Variants in PRKCB observed in about 807,000 individuals in gnomAD.
The protein encoded by PRKCB is protein kinase C beta type.
In PRKCB, 13 loss-of-function variants were observed where a neutral mutation model predicts 81.5. That is an observed-to-expected ratio of 0.16 (90% CI 0.10 to 0.25). PRKCB has a LOEUF of 0.25. Among genes scored for constraint, PRKCB ranks in the 10% least tolerant of loss-of-function variants. The pLI is 1.00. For synonymous variants in PRKCB, 335 were observed against 321.4 expected, an observed-to-expected ratio of 1.04 and a Z score of -0.45; for missense variants, 509 against 875.7, an observed-to-expected ratio of 0.58 and a Z score of 5.29.
At chr16:24,168,717 T>C (rs1382852028) in intron 10 of PRKCB, among the ~76,000 whole-genome samples, 1 of 83,418 alleles carries the variant, frequency 1.2e-5, no homozygotes, top group East Asian at 3.2e-4. Flanking sequence ...TGCCTGGCTA[T>C]TTTTTTTTTT....
In PRKCB at chr16:24,010,257, AT is replaced by A. The variant is rs563110020; in HGVS notation, c.288+21669del. On this transcript the variant is annotated intron_variant, in intron 3 of 16. Transcript: ENST00000643927. ...CAGCGGCACTCAGCTCCGTTTCCTA[AT>A]TCCTGCTGTTTAAAGGATGAAGGTC... Among the ~76,000 whole-genome samples the A allele has an allele frequency of 5.9e-5, 9 of 152,304 alleles. No individual in the cohort carries two copies. The South Asian group carries it at 1.9e-3, about 32-fold the overall frequency.
chr16:24,191,003 C>A, intron 15 of PRKCB, 87 bp from the exon 16 acceptor site: 1 of 1,439,254 alleles, frequency 6.9e-7, no homozygotes, highest in Non-Finnish European at 9.5e-7. Context: ...CGCTTTCTTT[C>A]CTAATGCATT....
At chr16:23,912,507 CT>C (rs1210105406) in intron 2 of PRKCB, among the ~76,000 whole-genome samples, 117 of 72,074 alleles carry the variant, frequency 1.6e-3, no homozygotes, top group African/African-American at 2.0e-3. Flanking sequence ...TTTCTTTCTT[CT>C]TTTTTTTTTT....
At chr16:24,192,636 C>G (rs1220851237) in intron 16 of PRKCB, among the ~76,000 whole-genome samples, 1 of 152,144 alleles carries the variant, frequency 6.6e-6, no homozygotes, top group Non-Finnish European at 1.5e-5. Context: ...TAGAACCCAG[C>G]GGACATCTGG....
chr16:23,891,032 A>AATG (rs1963286509), intron 2 of PRKCB, among the ~76,000 whole-genome samples: 1 of 145,018 alleles, frequency 6.9e-6, no homozygotes, highest in Non-Finnish European at 1.5e-5. Context: ...TATATATATA[A>AATG]TGTGTGTGTA....
At chr16:24,185,832 G>C (rs1287032974) in intron 15 of PRKCB, among the ~76,000 whole-genome samples, 1 of 152,230 alleles carries the variant, frequency 6.6e-6, no homozygotes, top group East Asian at 1.9e-4. Flanking sequence ...CAGCACAGGG[G>C]AATGCTTATT....
intron 13 of PRKCB, 141 bp downstream of exon 13, chr16:24,181,069 C>G: frequency 9.2e-7 from 1 of 1,083,950 alleles, no homozygotes; most frequent in South Asian, 2.0e-5. Flanking sequence ...TCTAAATCCT[C>G]CCTTTGAGAT....
chr16:24,101,184 AG>A (rs1175717511), intron 7 of PRKCB, among the ~76,000 whole-genome samples: 1 of 152,192 alleles, frequency 6.6e-6, no homozygotes, highest in Non-Finnish European at 1.5e-5. Context: ...AGTTTTACAA[AG>A]GCAGTTTTAG....
intron 2 of PRKCB, among the ~76,000 whole-genome samples, chr16:23,886,447 C>T (rs1238331127): frequency 8.6e-6 from 1 of 115,826 alleles, no homozygotes; most frequent in African/African-American, 3.6e-5. Flanking sequence ...AAGTCTCACT[C>T]TGTCGCCCAG....
At chr16:24,066,639 C>G (rs564669709) in intron 5 of PRKCB, among the ~76,000 whole-genome samples, 1 of 150,882 alleles carries the variant, frequency 6.6e-6, no homozygotes. Context: ...TTTTTTTTCA[C>G]GATATTCTTA....
rs1034619925 is a variant in PRKCB at position 24,215,243 on chromosome 16, G to A, written c.*427G>A. The A allele has an allele frequency of 2.0e-6, 2 of 995,688 alleles. No homozygotes were observed. Among genetic ancestry groups the A allele is most frequent in the African/African-American group, 3.5e-5 (2 of 57,494 alleles). 61.7% of individuals were successfully genotyped at this position (995,688 alleles called of 1,614,324 possible). ...TTGGCTTGTATCCAAGTGTATGGTTGCTTTGCCTAAGAGGAATCCCTCTAT... is the reference window on the plus strand; with the variant it reads ...TTGGCTTGTATCCAAGTGTATGGTTACTTTGCCTAAGAGGAATCCCTCTAT... On this transcript the variant is annotated 3_prime_UTR_variant, in exon 17 of 17. Transcript: ENST00000643927.
At chr16:23,865,073 C>T (rs1962748056) in intron 2 of PRKCB, among the ~76,000 whole-genome samples, 1 of 152,056 alleles carries the variant, frequency 6.6e-6, no homozygotes, top group African/African-American at 2.4e-5. Flanking sequence ...TCCAAATAAG[C>T]ACAATCAGAA....
chr16:24,143,410 G>T (rs1966934927), intron 9 of PRKCB, among the ~76,000 whole-genome samples: 1 of 152,072 alleles, frequency 6.6e-6, no homozygotes, highest in African/African-American at 2.4e-5. Context: ...GGGACTACAG[G>T]CATGAGTCAC....
chr16:24,056,444 G>C (rs1965903430), intron 5 of PRKCB, among the ~76,000 whole-genome samples: 2 of 152,236 alleles, frequency 1.3e-5, no homozygotes, highest in Admixed American at 1.3e-4. Flanking sequence ...CAGGCATGGG[G>C]TCTAAAAGTG....
At chr16:24,188,175 A>C (rs1355596777) in intron 15 of PRKCB, among the ~76,000 whole-genome samples, 1 of 152,170 alleles carries the variant, frequency 6.6e-6, no homozygotes, top group Non-Finnish European at 1.5e-5. Context: ...CATAACCTTC[A>C]TGATTAACTG....
chr16:24,061,272 G>GCTGATCTCAAA (rs1434339101), intron 5 of PRKCB, among the ~76,000 whole-genome samples: 1 of 152,138 alleles, frequency 6.6e-6, no homozygotes, highest in Non-Finnish European at 1.5e-5. Context: ...TGTTGGCCAG[G>GCTGATCTCAAA]CTGATCTCAA....
chr16:23,925,384 T>A (rs1279982073), intron 2 of PRKCB, among the ~76,000 whole-genome samples: 3 of 152,048 alleles, frequency 2.0e-5, no homozygotes, highest in Non-Finnish European at 4.4e-5. Flanking sequence ...TCATTGGGTA[T>A]CTGTGGCCAT....
chr16:24,175,971 CAAAAAA>C (rs34578906), intron 12 of PRKCB, among the ~76,000 whole-genome samples: 1 of 49,852 alleles, frequency 2.0e-5, no homozygotes, highest in East Asian at 6.1e-4. Flanking sequence ...GACCCTGTCT[CAAAAAA>C]AAAAAAAAAA....
intron 7 of PRKCB, among the ~76,000 whole-genome samples, chr16:24,110,120 AGAGGGAGAGGGAGAGGGAGAG>A (rs1268162288): frequency 2.3e-5 from 2 of 86,070 alleles, no homozygotes; most frequent in South Asian, 7.7e-4. Flanking sequence ...GGGGAGAGGG[AGAGGGAGAGGGAGAGGGAGAG>A]GAGGGAGAGG....
Sources: gnomAD v4.1 joint callset for allele counts (sites outside exome capture counted in the v4.1 genomes callset) on GRCh38, gnomAD v4.1.1 for gene constraint, MANE v1.5 for transcripts, NCBI Gene and HGNC (gene_info 2026-07-23, HGNC 2026-07-21) for gene names.